Variants in NAA16 observed in about 807,000 individuals in gnomAD.
The protein encoded by NAA16 is NARG1-like protein.
Under a neutral mutation model 110.3 loss-of-function variants are expected in NAA16, and 97 were observed. The observed-to-expected ratio is 0.88, with a 90% confidence interval of 0.75 to 1.04. NAA16 has a LOEUF of 1.04. NAA16 is among the 50% of genes least tolerant of loss of function. The pLI is 0.00. For synonymous variants in NAA16, 372 were observed against 330.6 expected, an observed-to-expected ratio of 1.13 and a Z score of -1.36; for missense variants, 1,017 against 1,005.1, an observed-to-expected ratio of 1.01 and a Z score of -0.16.
chr13:41,315,660 T>TTG (rs149988979), intron 1 of NAA16, among the ~76,000 whole-genome samples: 4,897 of 151,832 alleles, frequency 0.032, 204 homozygotes, highest in African/African-American at 0.099. Context: ...GTGGTAGTAT[T>TTG]TGTGTGTGTG....
chr13:41,323,975 A>G (rs1211553246), intron 5 of NAA16, among the ~76,000 whole-genome samples: 10 of 152,102 alleles, frequency 6.6e-5, no homozygotes, highest in Admixed American at 6.5e-4. Context: ...TCTCTGTAGT[A>G]ATTTCCTCTT....
chr13:41,372,206 G>GA lies in NAA16; in HGVS notation c.1955dup (p.Asn652LysfsTer8). ...TTTCCTTTCTGTTTCAAAATAGGTA[G>GA]AAAATCCATTAGAGGAAGCCGTTAA... On this transcript the variant is annotated frameshift_variant, in exon 16 of 20. Transcript: ENST00000379406. LOFTEE classifies it high-confidence loss of function. The GA allele has an allele frequency of 6.5e-7, 1 of 1,541,388 alleles. No individual in the cohort carries two copies. The highest frequency in any genetic ancestry group is 8.7e-7 in the Non-Finnish European group (1 of 1,145,674).
rs1227414945 is a variant in NAA16, at chr13:41,336,641, T to G, written c.908-9T>G. 2 of 1,494,772 alleles carry G rather than the reference T, an allele frequency of 1.3e-6. No individual in the cohort carries two copies. Among genetic ancestry groups the G allele is most frequent in the East Asian group, 4.6e-5 (2 of 43,536 alleles). The allele number at this position is 1,494,772 out of a possible 1,614,324, so 92.6% of individuals were successfully genotyped here. A position where few individuals can be genotyped will look rare whatever the true frequency, so the allele number is the denominator to read the frequency against. On this transcript the variant is annotated splice_polypyrimidine_tract_variant and intron_variant, in intron 8 of 19. Coordinates refer to ENST00000379406, the MANE Select transcript of NAA16 (RefSeq NM_024561.5). ...ACCAAAGAATAACAAAGTACGCTTT[T>G]GTTTCTAGGTGAAAGATTTAGAGAA...
rs760151717 is a variant in NAA16, at chr13:41,358,918, A to G, written c.1366A>G (p.Asn456Asp). ...ATGTGCAAAATACATGCTTCGAGCA[A>G]ATATGATAAAAGAAGCAGAGGAAAT... ...SKCAKYMLRA[N>D]MIKEAEEMCS... Residue 456 changes from asparagine (N) to aspartate (D), a missense_variant, in exon 12 of 20, where the codon AAT (asparagine) becomes GAT (aspartate). Coordinates refer to ENST00000379406, the MANE Select transcript of NAA16 (RefSeq NM_024561.5). The G allele has an allele frequency of 6.2e-7, 1 of 1,611,428 alleles. No homozygotes were observed. Among genetic ancestry groups the G allele is most frequent in the Admixed American group, 1.7e-5 (1 of 59,986 alleles).
At chr13:41,322,865 A>G (rs904682578) in intron 4 of NAA16, among the ~76,000 whole-genome samples, 191 bp from the exon 5 acceptor site, 5 of 152,222 alleles carry the variant, frequency 3.3e-5, no homozygotes, top group African/African-American at 1.2e-4. Context: ...ACAGCCTCAC[A>G]GTGAGTATTA....
At chr13:41,324,363 CTTTTTTTTTTTTTTT>C (rs71086562) in intron 5 of NAA16, among the ~76,000 whole-genome samples, 3 of 66,060 alleles carry the variant, frequency 4.5e-5, no homozygotes, top group African/African-American at 1.2e-4. Flanking sequence ...TTCTTTCTTT[CTTTTTTTTTTTTTTT>C]TTTTTTTTTT....
At chr13:41,347,109 G>T (rs567076977) in intron 9 of NAA16, among the ~76,000 whole-genome samples, 10 of 151,780 alleles carry the variant, frequency 6.6e-5, no homozygotes, top group African/African-American at 1.7e-4. Context: ...CCAGCTGCTC[G>T]GGAGGCTGAG....
Position 41,335,064 on chromosome 13 carries a change from C to T in NAA16, c.908-1586C>T, listed in dbSNP as rs77809494. Among the ~76,000 whole-genome samples the T allele has an allele frequency of 6.8e-3, 1,036 of 152,286 alleles. 10 individuals are homozygous for T. The highest frequency in any genetic ancestry group is 0.031 in the Middle Eastern group (9 of 294). ...CTTTTTCATACCTGCACAATCTAAT[C>T]AAATTTGTCAATATGATCTGAATAG... is the stretch of plus-strand genomic sequence containing the variant. On this transcript the variant is annotated intron_variant, in intron 8 of 19. Coordinates refer to ENST00000379406, the MANE Select transcript of NAA16 (RefSeq NM_024561.5).
chr13:41,340,694 G>A (rs1460078640), intron 9 of NAA16, among the ~76,000 whole-genome samples: 4 of 92,996 alleles, frequency 4.3e-5, no homozygotes, highest in South Asian at 7.9e-4. Flanking sequence ...TTTTTTTTCC[G>A]AGACGGAGTC....
rs2042880995 is a variant in NAA16, at chr13:41,353,081, A to T, written c.1015-2063A>T. On this transcript the variant is annotated intron_variant, in intron 9 of 19. Transcript: ENST00000379406. The stretch of plus-strand genomic sequence containing the variant: ...CGGTGAGCAGAGATCGCGCCACTGC[A>T]TTCCAGCCTGGTGACAGAGCGAGAC... 4.0e-5 allele frequency among the ~76,000 whole-genome samples: 6 copies of T among 150,010 alleles called. 1 individual carries two copies. In the South Asian group the frequency reaches 1.3e-3, roughly 32 times the overall value.
chr13:41,318,277 C>G (rs1213802543), intron 2 of NAA16, among the ~76,000 whole-genome samples: 2 of 151,706 alleles, frequency 1.3e-5, no homozygotes, highest in Non-Finnish European at 2.9e-5. Context: ...ACAATCTTGG[C>G]TCACTGCAAC....
chr13:41,331,726 T>G (rs146510747), intron 8 of NAA16, among the ~76,000 whole-genome samples: 161 of 152,156 alleles, frequency 1.1e-3, no homozygotes, highest in African/African-American at 3.8e-3. Context: ...GTTTCAGTGT[T>G]TGCAGAGTAA....
intron 9 of NAA16, among the ~76,000 whole-genome samples, chr13:41,351,827 A>G (rs1319123184): frequency 6.6e-6 from 1 of 152,172 alleles, no homozygotes; most frequent in Non-Finnish European, 1.5e-5. Flanking sequence ...GCGATCTCAG[A>G]TACTTAAGTG....
intron 9 of NAA16, 113 bp from the exon 10 acceptor site, chr13:41,355,031 A>G (rs992030634): frequency 3.2e-6 from 2 of 632,010 alleles, no homozygotes; most frequent in African/African-American, 3.8e-5. Context: ...TCTTTTAATT[A>G]ATTTATAGTT....
intron 12 of NAA16, 27 bp from the exon 13 acceptor site, chr13:41,362,004 C>CT: frequency 6.2e-7 from 1 of 1,608,308 alleles, no homozygotes; most frequent in Non-Finnish European, 8.5e-7. Context: ...TGTTTGCTCT[C>CT]TATAGTTTTG....
intron 3 of NAA16, among the ~76,000 whole-genome samples, 184 bp downstream of exon 3, chr13:41,319,094 CCCT>C (rs1334298888): frequency 1.3e-5 from 2 of 151,886 alleles, no homozygotes; most frequent in African/African-American, 2.4e-5. Flanking sequence ...TTGCTTGTGC[CCCT>C]CCTCCTATAT....
At chr13:41,336,576 A>AT in intron 8 of NAA16, 74 bp from the exon 9 acceptor site, 1 of 949,760 alleles carries the variant, frequency 1.1e-6, no homozygotes, top group Non-Finnish European at 1.6e-6. Context: ...AGGGAGCTTT[A>AT]TTTTTATTTA....
chr13:41,315,936 A>G (rs1405620877), intron 1 of NAA16, among the ~76,000 whole-genome samples: 1 of 152,032 alleles, frequency 6.6e-6, no homozygotes, highest in African/African-American at 2.4e-5. Flanking sequence ...CGCCTGAGGA[A>G]TTTTTAATTT....
intron 5 of NAA16, 31 bp from the exon 6 acceptor site, chr13:41,325,667 C>A (rs757616878): frequency 6.9e-7 from 1 of 1,447,892 alleles, no homozygotes; most frequent in Non-Finnish European, 9.4e-7. Flanking sequence ...TATAATTATA[C>A]AAATAAAGTA....
Sources: gnomAD v4.1 joint callset for allele counts (sites outside exome capture counted in the v4.1 genomes callset) on GRCh38, gnomAD v4.1.1 for gene constraint, MANE v1.5 for transcripts, NCBI Gene and HGNC (gene_info 2026-07-23, HGNC 2026-07-21) for gene names.